Variants in SHANK2 observed in about 807,000 individuals in gnomAD.
The protein encoded by SHANK2 is SH3 and multiple ankyrin repeat domains 2.
A neutral mutation model predicts 133.7 loss-of-function variants in SHANK2; 43 were observed. The observed-to-expected ratio is 0.32, with a 90% CI of 0.25 to 0.41. The LOEUF (loss-of-function observed/expected upper bound fraction) is 0.41. Ranked by LOEUF, SHANK2 falls within the 10% of genes least tolerant of loss-of-function variation. The probability of loss-of-function intolerance (pLI) is 1.00; values close to 1 mark genes in which losing one functional copy is unlikely to be tolerated. For missense variants in SHANK2, 1,994 were observed against 2,235.8 expected, an observed-to-expected ratio of 0.89 and a Z score of 2.18; for synonymous variants, 1,017 against 952.8, an observed-to-expected ratio of 1.07 and a Z score of -1.24.
At chr11:71,062,771 G>A (rs1323766186) in intron 9 of SHANK2, among the ~76,000 whole-genome samples, 2 of 152,060 alleles carry the variant, frequency 1.3e-5, no homozygotes, top group African/African-American at 2.4e-5. Flanking sequence ...TGAGGTGGGA[G>A]GATTGCTTGA....
intron 11 of SHANK2, among the ~76,000 whole-genome samples, chr11:70,874,673 C>CAA (rs1949527521): frequency 1.3e-5 from 1 of 75,850 alleles, no homozygotes; most frequent in Non-Finnish European, 2.5e-5. Context: ...TCTGCATTTA[C>CAA]TAAAAAAAAA....
intron 6 of SHANK2, among the ~76,000 whole-genome samples, chr11:71,102,259 A>T (rs1451609904): frequency 6.8e-6 from 1 of 146,528 alleles, no homozygotes; most frequent in Non-Finnish European, 1.5e-5. Flanking sequence ...GGAAGTCTTT[A>T]TTTTTTTTTT....
At chr11:70,615,538 G>T (rs1407974588) in intron 17 of SHANK2, among the ~76,000 whole-genome samples, 1 of 152,120 alleles carries the variant, frequency 6.6e-6, no homozygotes, top group Non-Finnish European at 1.5e-5. Flanking sequence ...CCTTAGTGGC[G>T]GCGCAAGGGA....
intron 14 of SHANK2, among the ~76,000 whole-genome samples, chr11:70,719,352 A>G (rs892434110): frequency 1.3e-5 from 2 of 152,176 alleles, no homozygotes; most frequent in Non-Finnish European, 1.5e-5. Flanking sequence ...CGCTGTGCCC[A>G]CCCACTATCC....
chr11:70,683,687 G>A (rs1945080966), intron 15 of SHANK2, among the ~76,000 whole-genome samples: 1 of 152,146 alleles, frequency 6.6e-6, no homozygotes, highest in African/African-American at 2.4e-5. Context: ...TGCCGCTTCT[G>A]GTGGCTGCAG....
intron 11 of SHANK2, among the ~76,000 whole-genome samples, chr11:70,838,151 G>A (rs982117345): frequency 1.3e-5 from 2 of 152,050 alleles, no homozygotes; most frequent in African/African-American, 4.8e-5. Flanking sequence ...CCCTACAACT[G>A]GGGCCTTCTG....
chr11:70,502,116 G>C, intron 19 of SHANK2, 90 bp downstream of exon 19: 2 of 1,418,832 alleles, frequency 1.4e-6, no homozygotes, highest in Non-Finnish European at 1.9e-6. Flanking sequence ...GCGAGCAAGC[G>C]TGGGGTCATG....
intron 6 of SHANK2, among the ~76,000 whole-genome samples, chr11:71,103,336 C>T (rs1951749047): frequency 6.6e-6 from 1 of 152,168 alleles, no homozygotes; most frequent in South Asian, 2.1e-4. Flanking sequence ...TTTAAGTGCC[C>T]TTGTTACTGG....
intron 1 of SHANK2, among the ~76,000 whole-genome samples, chr11:71,243,465 C>T (rs1020430365): frequency 1.3e-5 from 2 of 152,070 alleles, no homozygotes; most frequent in South Asian, 2.1e-4. Context: ...GAGGCTGAGG[C>T]GGGCGGATCA....
intron 5 of SHANK2, 88 bp downstream of exon 5, chr11:71,113,205 G>A: frequency 8.3e-7 from 1 of 1,201,306 alleles, no homozygotes; most frequent in Non-Finnish European, 1.2e-6. Context: ...GGTGCCCCTG[G>A]AAGAGGAGCG....
At position 70,803,917 on chromosome 11, in the gene SHANK2, G is replaced by A. The variant is rs138141952; in HGVS notation, c.1663+3085C>T. Reference sequence around the variant, plus strand: ...AAAATGTTGGGGTATGTTTTCCCAGGTACATGGTATGCAACTGTCTACTGG... The same window carrying A: ...AAAATGTTGGGGTATGTTTTCCCAGATACATGGTATGCAACTGTCTACTGG... On this transcript the variant is annotated intron_variant, in intron 13 of 25. Transcript: ENST00000601538. Among the ~76,000 whole-genome samples the A allele has an allele frequency of 2.5e-3, 376 of 152,184 alleles. 1 individual carries two copies. Among genetic ancestry groups the A allele is most frequent in the Admixed American group, 5.1e-3 (78 of 15,298 alleles).
chr11:70,930,115 G>A (rs1169814976), intron 10 of SHANK2, among the ~76,000 whole-genome samples: 1 of 152,180 alleles, frequency 6.6e-6, no homozygotes, highest in Admixed American at 6.5e-5. Flanking sequence ...CAAAGATAAG[G>A]CTACGGGCCA....
At chr11:70,730,112 A>T (rs1946255798) in intron 14 of SHANK2, among the ~76,000 whole-genome samples, 1 of 152,072 alleles carries the variant, frequency 6.6e-6, no homozygotes, top group East Asian at 1.9e-4. Context: ...GGAGAGGAGG[A>T]AGTGGGACCT....
intron 25 of SHANK2, among the ~76,000 whole-genome samples, chr11:70,476,515 G>C (rs2058666891): frequency 6.6e-6 from 1 of 152,178 alleles, no homozygotes; most frequent in Admixed American, 6.5e-5. Context: ...CACAGTTTTG[G>C]GGAAGGCTTA....
intron 11 of SHANK2, among the ~76,000 whole-genome samples, chr11:70,858,971 C>T (rs1949213364): frequency 6.6e-6 from 1 of 151,964 alleles, no homozygotes; most frequent in Non-Finnish European, 1.5e-5. Context: ...TCCACCTTGC[C>T]CTGAGTCTCA....
At chr11:70,549,408 C>T (rs1313620744) in intron 17 of SHANK2, among the ~76,000 whole-genome samples, 2 of 152,218 alleles carry the variant, frequency 1.3e-5, no homozygotes, top group Admixed American at 6.5e-5. Flanking sequence ...AATAAGCTCC[C>T]GATGGCCGAG....
chr11:70,718,182 A>T (rs1945986808), intron 14 of SHANK2, among the ~76,000 whole-genome samples: 1 of 152,170 alleles, frequency 6.6e-6, no homozygotes, highest in Admixed American at 6.5e-5. Context: ...GGCTATTAGG[A>T]TGGGCCGGAG....
chr11:70,480,758 TC>T (rs1159792689), intron 25 of SHANK2, among the ~76,000 whole-genome samples: 4 of 152,226 alleles, frequency 2.6e-5, no homozygotes, highest in African/African-American at 9.6e-5. Context: ...CTCTCTAGCC[TC>T]AGCCTGGCAC....
intron 17 of SHANK2, among the ~76,000 whole-genome samples, chr11:70,598,883 A>G (rs1335340506): frequency 1.3e-5 from 2 of 151,422 alleles, no homozygotes; most frequent in Admixed American, 1.3e-4. Context: ...TCTCTTGCAC[A>G]CTAGGAAAAG....
Sources: allele counts gnomAD v4.1 joint callset (sites outside exome capture counted in the v4.1 genomes callset), GRCh38; gene constraint gnomAD v4.1.1; transcripts MANE v1.5; gene names NCBI Gene and HGNC (gene_info 2026-07-23, HGNC 2026-07-21).